The following SLC8A1 variants were observed in gnomAD, a reference collection of about 807,000 sequenced individuals.
SLC8A1 encodes the protein solute carrier family 8 member A1.
SLC8A1 carries 18 observed loss-of-function variants against 68.3 expected under a neutral mutation model. That is an observed-to-expected ratio of 0.26 (90% CI 0.18 to 0.39). The LOEUF is 0.39. SLC8A1 is among the 10% of genes least tolerant of loss of function. The pLI is 1.00. For synonymous variants in SLC8A1, 475 were observed against 415.5 expected (o/e 1.14, Z -1.74); for missense variants, 985 against 1,156.7 (o/e 0.85, Z 2.15).
intron 2 of SLC8A1, among the ~76,000 whole-genome samples, chr2:40,264,691 G>C: frequency 6.6e-6 from 1 of 152,300 alleles, no homozygotes; most frequent in East Asian, 1.9e-4. Context: ...CACACTCTGA[G>C]GACTGTTGTG....
chr2:40,142,708 T>C (rs1350546968), intron 6 of SLC8A1, among the ~76,000 whole-genome samples: 1 of 152,178 alleles, frequency 6.6e-6, no homozygotes, highest in Non-Finnish European at 1.5e-5. Context: ...CCGTGAGAGA[T>C]GTACACAGGA....
At chr2:40,305,627 G>T (rs2072427657) in intron 2 of SLC8A1, among the ~76,000 whole-genome samples, 1 of 152,142 alleles carries the variant, frequency 6.6e-6, no homozygotes, top group South Asian at 2.1e-4. Flanking sequence ...CAAATGCACT[G>T]TGATGTCCCC....
chr2:40,475,358 C>T (rs575424036), intron 1 of SLC8A1, among the ~76,000 whole-genome samples: 158 of 152,104 alleles, frequency 1.0e-3, no homozygotes, highest in Non-Finnish European at 1.7e-3. Flanking sequence ...TGGTCTCGAT[C>T]TCCTGACCTC....
intron 4 of SLC8A1, among the ~76,000 whole-genome samples, chr2:40,169,580 T>C (rs1011096160): frequency 1.3e-5 from 2 of 152,162 alleles, no homozygotes; most frequent in Non-Finnish European, 2.9e-5. Context: ...TGGGCATATC[T>C]GGCTAACATC....
At chr2:40,280,388 G>T (rs1213338703) in intron 2 of SLC8A1, among the ~76,000 whole-genome samples, 1 of 151,598 alleles carries the variant, frequency 6.6e-6, no homozygotes, top group African/African-American at 2.4e-5. Context: ...AAGCCCCACA[G>T]ATAATTTTTC....
chr2:40,392,084 A>G (rs1408624851), intron 2 of SLC8A1, among the ~76,000 whole-genome samples: 6 of 129,958 alleles, frequency 4.6e-5, no homozygotes, highest in Admixed American at 7.8e-5. Flanking sequence ...AGGAAGGAGA[A>G]AAATAAAAAA....
At chr2:40,469,269 G>T (rs1352510634) in intron 1 of SLC8A1, among the ~76,000 whole-genome samples, 2 of 152,142 alleles carry the variant, frequency 1.3e-5, no homozygotes, top group African/African-American at 4.8e-5. Flanking sequence ...GAGAGGCCTG[G>T]TGGGAGGTGA....
chr2:40,199,832 C>A (rs1321109455), intron 2 of SLC8A1, among the ~76,000 whole-genome samples: 1 of 151,318 alleles, frequency 6.6e-6, no homozygotes, highest in Non-Finnish European at 1.5e-5. Context: ...AACAGGGGAA[C>A]CAGGAAAGAA....
At chr2:40,303,704 C>T (rs1431550848) in intron 2 of SLC8A1, among the ~76,000 whole-genome samples, 3 of 152,124 alleles carry the variant, frequency 2.0e-5, no homozygotes, top group African/African-American at 7.2e-5. Flanking sequence ...AAAATGGACT[C>T]GGAGGAATCC....
At chr2:40,156,330 T>G (rs930867970) in intron 6 of SLC8A1, among the ~76,000 whole-genome samples, 1 of 151,164 alleles carries the variant, frequency 6.6e-6, no homozygotes, top group African/African-American at 2.4e-5. Context: ...GATTATACAG[T>G]TGGTAAGAGA....
intron 7 of SLC8A1, among the ~76,000 whole-genome samples, chr2:40,130,125 TA>T (rs2039032886): frequency 6.6e-6 from 1 of 152,150 alleles, no homozygotes; most frequent in Non-Finnish European, 1.5e-5. Context: ...AAGTATTTAA[TA>T]AAAAAACTCT....
intron 2 of SLC8A1, among the ~76,000 whole-genome samples, chr2:40,240,066 T>C (rs1489341866): frequency 6.6e-6 from 1 of 152,206 alleles, no homozygotes; most frequent in Non-Finnish European, 1.5e-5. Context: ...GAAACATCTA[T>C]GGAGCTTAGC....
intron 1 of SLC8A1, among the ~76,000 whole-genome samples, chr2:40,435,775 T>A (rs898717683): frequency 6.6e-6 from 1 of 152,042 alleles, no homozygotes; most frequent in Non-Finnish European, 1.5e-5. Flanking sequence ...CACTTATTAC[T>A]TTTTTGTTTT....
chr2:40,278,909 T>C (rs975768411), intron 2 of SLC8A1, among the ~76,000 whole-genome samples: 1 of 152,232 alleles, frequency 6.6e-6, no homozygotes, highest in Non-Finnish European at 1.5e-5. Context: ...TAAAATTTTT[T>C]GACTTCTCTT....
At chr2:40,240,448 A>C (rs984553774) in intron 2 of SLC8A1, among the ~76,000 whole-genome samples, 1 of 152,188 alleles carries the variant, frequency 6.6e-6, no homozygotes, top group Admixed American at 6.5e-5. Flanking sequence ...CTGGGAAATG[A>C]CATTATTTGG....
Position 40,130,358 on chromosome 2 carries a change from C to T in SLC8A1, c.2437+9043G>A, listed in dbSNP as rs558977676. ...CCTCAAAAATGTTTGCCTTTGCAGG[C>T]TTCCTTTAACTCTAATGACATCATC... is the stretch of plus-strand genomic sequence containing the variant. On this transcript the variant is annotated intron_variant, in intron 7 of 7. Coordinates refer to ENST00000406785, the Ensembl canonical transcript of SLC8A1. Among the ~76,000 whole-genome samples, 3 of 152,344 alleles carry T rather than the reference C, an allele frequency of 2.0e-5. No individual in the cohort carries two copies. In the South Asian group the frequency reaches 6.2e-4, roughly 32 times the overall value.
At chr2:40,155,049 A>C (rs1294583053) in intron 6 of SLC8A1, among the ~76,000 whole-genome samples, 1 of 152,166 alleles carries the variant, frequency 6.6e-6, no homozygotes, top group African/African-American at 2.4e-5. Context: ...GAGAAATCCC[A>C]TTGGTAACAC....
intron 2 of SLC8A1, among the ~76,000 whole-genome samples, chr2:40,391,878 C>G (rs1196574268): frequency 6.6e-6 from 1 of 152,144 alleles, no homozygotes; most frequent in African/African-American, 2.4e-5. Flanking sequence ...CACTAGGCTT[C>G]ATTTCTACCA....
chr2:40,106,178 C>T (rs1202223003), exon 8 of SLC8A1: 1 of 152,138 alleles, frequency 6.6e-6, no homozygotes, highest in African/African-American at 2.4e-5. Context: ...GGAAGGAAAA[C>T]TTTTTTCCTT....
Sources: allele counts gnomAD v4.1 joint callset (sites outside exome capture counted in the v4.1 genomes callset), GRCh38; gene constraint gnomAD v4.1.1; transcripts MANE v1.5; gene names NCBI Gene and HGNC (gene_info 2026-07-23, HGNC 2026-07-21).